The following NF1 variants were observed in gnomAD, a reference collection of about 807,000 sequenced individuals.
NF1 encodes the protein neurofibromin 1, also known as neurofibromin.
Under a neutral mutation model 325.7 loss-of-function variants are expected in NF1, and 122 were observed. The ratio of observed to expected loss-of-function variants is 0.37; its 90% CI spans 0.32 to 0.44. The LOEUF is 0.44. NF1 is among the 20% of genes least tolerant of loss of function. The probability of loss-of-function intolerance (pLI) is 1.00; values close to 1 mark genes in which losing one functional copy is unlikely to be tolerated. For missense variants in NF1, 2,140 were observed against 3,415.4 expected (o/e 0.63, Z 9.31); for synonymous variants, 1,091 against 1,186.0 (o/e 0.92, Z 1.65).
intron 1 of NF1, among the ~76,000 whole-genome samples, chr17:31,100,028 T>C (rs1423878810): frequency 6.8e-6 from 1 of 146,590 alleles, no homozygotes; most frequent in Non-Finnish European, 1.5e-5. Context: ...AAAAAAAGAA[T>C]TAAAAAGAAC....
chr17:31,187,217 T>G (rs1207375930), intron 8 of NF1, among the ~76,000 whole-genome samples: 1 of 152,148 alleles, frequency 6.6e-6, no homozygotes, highest in Middle Eastern at 3.2e-3. Context: ...GTTTGTTTTT[T>G]GAGATGGAGT....
intron 36 of NF1, among the ~76,000 whole-genome samples, chr17:31,313,038 T>G (rs948726892): frequency 2.0e-5 from 3 of 152,170 alleles, no homozygotes; most frequent in African/African-American, 7.2e-5. Flanking sequence ...TTGACTAACA[T>G]TTTTGGCTTA....
At chr17:31,344,649 T>A (rs1438537801) in intron 48 of NF1, among the ~76,000 whole-genome samples, 1 of 152,270 alleles carries the variant, frequency 6.6e-6, no homozygotes, top group East Asian at 1.9e-4. Context: ...ATGAAATTTC[T>A]ACAAAAAATA....
chr17:31,305,005 G>T (rs1597800660), intron 36 of NF1: 1 of 1,614,134 alleles, frequency 6.2e-7, no homozygotes, highest in South Asian at 1.1e-5. Context: ...GGCAGCTATT[G>T]AATTATAATT....
At chr17:31,295,879 G>C (rs777026450) in intron 36 of NF1, 1 of 1,614,162 alleles carries the variant, frequency 6.2e-7, no homozygotes, top group Admixed American at 1.7e-5. Context: ...TACTGAGGTT[G>C]AGAACCTCGA....
At position 31,219,126 on chromosome 17, in the gene NF1, G is replaced by C. The variant is rs758022528; in HGVS notation, c.1641+8G>C. On this transcript the variant is annotated splice_region_variant and intron_variant, in intron 14 of 57. Transcript: ENST00000358273. ...GCTCAGGAAGCAATGGAGGTAAGGG[G>C]AAAATGAATTCCATGTTCTTGAAGG... 6.2e-7 allele frequency: 1 copy of C among 1,611,252 alleles called. No homozygotes were observed. The highest frequency in any genetic ancestry group is 8.5e-7 in the Non-Finnish European group (1 of 1,178,336).
chr17:31,276,550 T>G (rs1446031166), intron 36 of NF1, among the ~76,000 whole-genome samples: 2 of 152,182 alleles, frequency 1.3e-5, no homozygotes, highest in African/African-American at 4.8e-5. Context: ...ACACCAAAAT[T>G]TATTTGGTGC....
Position 31,214,500 on chromosome 17 carries a change from C to T in NF1, c.1442C>T (p.Pro481Leu), listed in dbSNP as rs1355572914. ...KVTSLKFKEK[P>L]TDLETRSYKY... ...ACAAGCCTTAAATTTAAAGAAAAAC[C>T]TACAGACCTGGAGACAAGAAGCTAT... Residue 481 changes from proline (P) to leucine (L), a missense_variant, in exon 13 of 58, where the codon CCT (proline) becomes CTT (leucine). Pro to Leu is a moderately conservative substitution (Grantham distance 98, BLOSUM62 -3). Coordinates refer to ENST00000358273, the MANE Select transcript of NF1 (RefSeq NM_001042492.3). 1 of 1,609,046 alleles carries T rather than the reference C, an allele frequency of 6.2e-7. No homozygotes were observed. Among genetic ancestry groups the T allele is most frequent in the South Asian group, 1.1e-5 (1 of 90,864 alleles).
rs763402075 is a variant in NF1 at position 31,377,135 on chromosome 17, A to G, written c.*2980A>G. 4 of 233,506 alleles carry G rather than the reference A, an allele frequency of 1.7e-5. No individual in the cohort carries two copies. The highest frequency in any genetic ancestry group is 8.8e-5 in the African/African-American group (4 of 45,312). The allele number at this position is 233,506 out of a possible 1,614,324, so 14.5% of individuals were successfully genotyped here. On this transcript the variant is annotated 3_prime_UTR_variant, in exon 58 of 58. Transcript: ENST00000358273. ...GGCATGTCTTACTCAATGTTATGCA[A>G]TGGATTTAGGCAAAAATTCATTCTT...
chr17:31,320,395 G>A (rs371186718), intron 36 of NF1: 11 of 1,608,640 alleles, frequency 6.8e-6, no homozygotes, highest in Middle Eastern at 1.6e-4. Context: ...GGTAGGGCCT[G>A]AAAGTCTTTG....
chr17:31,242,340 A>T (rs1312211802), intron 29 of NF1, among the ~76,000 whole-genome samples: 4 of 84,526 alleles, frequency 4.7e-5, no homozygotes, highest in African/African-American at 9.8e-5. Context: ...TTTGAGATGG[A>T]GGTTCACTCT....
intron 7 of NF1, 145 bp downstream of exon 7, chr17:31,181,930 C>T (rs2066145134): frequency 1.5e-6 from 1 of 666,794 alleles, no homozygotes; most frequent in Non-Finnish European, 2.7e-6. Flanking sequence ...ATAGGAAATA[C>T]TGTTTTTCTC....
At chr17:31,257,313 G>A (rs112634232) in intron 31 of NF1, among the ~76,000 whole-genome samples, 6 of 152,080 alleles carry the variant, frequency 3.9e-5, no homozygotes, top group East Asian at 1.9e-4. Context: ...CAGTTTAGCC[G>A]CACTAAGCAA....
chr17:31,229,502 A>T (rs1347064720), intron 21 of NF1, 37 bp downstream of exon 21: 1 of 1,586,016 alleles, frequency 6.3e-7, no homozygotes, highest in South Asian at 1.1e-5. Context: ...TTCTCTATGA[A>T]TAGAGTGACT....
intron 35 of NF1, among the ~76,000 whole-genome samples, chr17:31,262,873 A>G (rs547217720): frequency 3.2e-4 from 48 of 152,276 alleles, no homozygotes; most frequent in African/African-American, 9.1e-4. Context: ...TGAAAATTAT[A>G]TACTACAAAA....
At position 31,352,348 on chromosome 17, in the gene NF1, C is replaced by G. The variant is rs866445127; in HGVS notation, c.7549C>G (p.Arg2517Gly). 1 of 1,614,068 alleles carries G rather than the reference C, an allele frequency of 6.2e-7. No individual in the cohort carries two copies. The highest frequency in any genetic ancestry group is 8.5e-7 in the Non-Finnish European group (1 of 1,180,004). The change falls in exon 51 of 58, where the codon CGA becomes GGA. Residue 2517 changes from arginine to glycine, a missense_variant. Around this residue, in one of 10 missense-constraint regions of NF1, gnomAD observed 522 missense variants for 749.0 expected, o/e 0.70. Coordinates refer to ENST00000358273, the MANE Select transcript of NF1 (RefSeq NM_001042492.3). Reference sequence around the variant, plus strand: ...TCCAACTGTCGGCCAGACCAGTCCCCGAGCCAGGAAATCCATGAGCCTGGA... The same window carrying G: ...TCCAACTGTCGGCCAGACCAGTCCCGGAGCCAGGAAATCCATGAGCCTGGA... ...TYPTVGQTSPRARKSMSLDMG... is the reference protein window; with the variant it reads ...TYPTVGQTSPGARKSMSLDMG...
intron 1 of NF1, among the ~76,000 whole-genome samples, chr17:31,109,879 T>G (rs996641244): frequency 6.6e-5 from 10 of 152,246 alleles, no homozygotes; most frequent in African/African-American, 2.4e-4. Context: ...GAACTTTTGT[T>G]TTAACTCTTC....
chr17:31,161,833 CAA>C (rs2065765879), intron 3 of NF1, among the ~76,000 whole-genome samples: 1 of 151,772 alleles, frequency 6.6e-6, no homozygotes, highest in Non-Finnish European at 1.5e-5. Flanking sequence ...GTCAGGAATC[CAA>C]GACCAGCCTG....
intron 15 of NF1, chr17:31,222,173 C>G (rs1015140185): frequency 2.5e-6 from 3 of 1,208,506 alleles, no homozygotes; most frequent in South Asian, 3.0e-5. Context: ...AACATAAGTA[C>G]TGTTGTTTGG....
Sources: gnomAD v4.1 joint callset for allele counts (sites outside exome capture counted in the v4.1 genomes callset) on GRCh38, gnomAD v4.1.1 for gene constraint, gnomAD v4.1.1 regional missense constraint, MANE v1.5 for transcripts, NCBI Gene and HGNC (gene_info 2026-07-23, HGNC 2026-07-21) for gene names.